ADAMTS17: variants seen among roughly 807,000 people sequenced by gnomAD.
The protein encoded by ADAMTS17 is ADAM metallopeptidase with thrombospondin type 1 motif 17.
A neutral mutation model predicts 141.5 loss-of-function variants in ADAMTS17; 113 were observed. That is an observed-to-expected ratio of 0.80 (90% CI 0.69 to 0.93). The LOEUF (loss-of-function observed/expected upper bound fraction) is 0.93. Ranked by LOEUF, ADAMTS17 falls within the 40% of genes least tolerant of loss-of-function variation. The pLI, the probability that ADAMTS17 is intolerant of heterozygous loss-of-function variation, is 0.00. For missense variants in ADAMTS17, 1,659 were observed against 1,517.9 expected, an observed-to-expected ratio of 1.09 and a Z score of -1.54; for synonymous variants, 768 against 630.6, an observed-to-expected ratio of 1.22 and a Z score of -3.27.
intron 10 of ADAMTS17, among the ~76,000 whole-genome samples, chr15:100,143,570 A>C (rs940827979): frequency 3.9e-5 from 6 of 152,246 alleles, no homozygotes; most frequent in Non-Finnish European, 7.3e-5. Context: ...TGTATTTGCC[A>C]ATAACTTTTG....
At chr15:100,239,883 G>A (rs368670841) in intron 7 of ADAMTS17, among the ~76,000 whole-genome samples, 2 of 152,210 alleles carry the variant, frequency 1.3e-5, no homozygotes, top group African/African-American at 4.8e-5. Flanking sequence ...TGTGCGCCAC[G>A]CCCCACCTTC....
chr15:100,219,890 A>G (rs542266537), intron 7 of ADAMTS17, among the ~76,000 whole-genome samples: 1 of 152,204 alleles, frequency 6.6e-6, no homozygotes, highest in Non-Finnish European at 1.5e-5. Flanking sequence ...TCCACTGAGC[A>G]TTCTTTATAA....
At chr15:100,079,337 A>G (rs1291721519) in intron 15 of ADAMTS17, among the ~76,000 whole-genome samples, 2 of 152,254 alleles carry the variant, frequency 1.3e-5, no homozygotes, top group South Asian at 2.1e-4. Context: ...ATACAATGTG[A>G]TATCTCCAAA....
At chr15:100,257,588 G>C (rs2043369778) in intron 6 of ADAMTS17, among the ~76,000 whole-genome samples, 1 of 152,208 alleles carries the variant, frequency 6.6e-6, no homozygotes, top group Non-Finnish European at 1.5e-5. Context: ...CCTTCATCCA[G>C]AGCCCAGCAG....
At chr15:100,056,697 C>T (rs764052151) in intron 15 of ADAMTS17, among the ~76,000 whole-genome samples, 2 of 152,048 alleles carry the variant, frequency 1.3e-5, no homozygotes, top group Non-Finnish European at 2.9e-5. Context: ...ACTGCTGGTC[C>T]GCAACCTGGG....
intron 18 of ADAMTS17, among the ~76,000 whole-genome samples, chr15:100,003,658 A>G (rs900332321): frequency 5.3e-5 from 8 of 152,162 alleles, no homozygotes; most frequent in Admixed American, 3.9e-4. Flanking sequence ...AAGGATGAAT[A>G]AAGTGTAGTA....
rs943576519 is a variant in ADAMTS17 at position 100,254,126 on chromosome 15, C to G, written c.1075+10G>C. Reference sequence around the variant, plus strand: ...AGCCCCTTAGATTATTATTTCAACTCTAAACTTACCAACAGTGTCACACGG... The same window carrying G: ...AGCCCCTTAGATTATTATTTCAACTGTAAACTTACCAACAGTGTCACACGG... On this transcript the variant is annotated intron_variant, in intron 7 of 21. Coordinates refer to ENST00000268070, the MANE Select transcript of ADAMTS17 (RefSeq NM_139057.4). The G allele has an allele frequency of 4.3e-6, 7 of 1,612,542 alleles. No individual in the cohort carries two copies. The Admixed American group carries it at 5.0e-5, about 12-fold the overall frequency.
chr15:100,210,974 A>C (rs1341626770), intron 7 of ADAMTS17, among the ~76,000 whole-genome samples: 1 of 151,958 alleles, frequency 6.6e-6, no homozygotes, highest in Non-Finnish European at 1.5e-5. Context: ...GGTGGCAGGC[A>C]CCTGTAGTCC....
intron 8 of ADAMTS17, among the ~76,000 whole-genome samples, chr15:100,172,538 C>T (rs1344164436): frequency 6.6e-6 from 1 of 152,166 alleles, no homozygotes; most frequent in Non-Finnish European, 1.5e-5. Context: ...CTGGTCACCT[C>T]CTCTGTCCTG....
At chr15:100,308,204 C>T (rs2045289601) in intron 3 of ADAMTS17, among the ~76,000 whole-genome samples, 1 of 152,096 alleles carries the variant, frequency 6.6e-6, no homozygotes, top group Non-Finnish European at 1.5e-5. Context: ...CTCACACACA[C>T]CCCACAAAAG....
chr15:100,200,361 A>G (rs1199096745), intron 7 of ADAMTS17, among the ~76,000 whole-genome samples: 1 of 151,948 alleles, frequency 6.6e-6, no homozygotes, highest in Non-Finnish European at 1.5e-5. Context: ...CCCTCTGGGG[A>G]ATGCTGGGAG....
chr15:100,137,484 G>T (rs577439782), intron 10 of ADAMTS17, among the ~76,000 whole-genome samples: 1 of 152,290 alleles, frequency 6.6e-6, no homozygotes, highest in Admixed American at 6.5e-5. Context: ...GGGGCTTGGA[G>T]GTGGAGATGC....
intron 20 of ADAMTS17, among the ~76,000 whole-genome samples, chr15:99,987,526 C>G (rs1056537361): frequency 1.3e-5 from 2 of 152,186 alleles, no homozygotes; most frequent in African/African-American, 2.4e-5. Context: ...CCCTGGGTGA[C>G]TGGTTTAAAA....
At chr15:100,179,506 T>G (rs941758589) in intron 8 of ADAMTS17, among the ~76,000 whole-genome samples, 3 of 152,234 alleles carry the variant, frequency 2.0e-5, no homozygotes, top group Non-Finnish European at 4.4e-5. Context: ...ACAATAAACA[T>G]GCGAGTGCAG....
chr15:100,175,866 C>G (rs2040321499), intron 8 of ADAMTS17, among the ~76,000 whole-genome samples: 1 of 152,002 alleles, frequency 6.6e-6, no homozygotes, highest in South Asian at 2.1e-4. Context: ...AGTCCCAAGG[C>G]AGATTCATCA....
intron 9 of ADAMTS17, among the ~76,000 whole-genome samples, chr15:100,153,180 C>T (rs1435689506): frequency 1.3e-5 from 2 of 152,170 alleles, no homozygotes; most frequent in Admixed American, 6.5e-5. Flanking sequence ...TAAATAAAAT[C>T]AAAGTGCTTA....
chr15:100,299,334 G>A (rs564802621), intron 3 of ADAMTS17, among the ~76,000 whole-genome samples: 22 of 151,582 alleles, frequency 1.5e-4, no homozygotes, highest in Admixed American at 6.6e-4. Flanking sequence ...CGGGGGACTC[G>A]CAGGCAGGAC....
chr15:100,330,374 G>C (rs955670039), intron 3 of ADAMTS17, among the ~76,000 whole-genome samples: 2 of 152,182 alleles, frequency 1.3e-5, no homozygotes, highest in African/African-American at 2.4e-5. Context: ...CTCCCCCAGG[G>C]TTTCTGATTC....
At chr15:100,164,003 G>A (rs1424252301) in intron 8 of ADAMTS17, among the ~76,000 whole-genome samples, 4 of 152,182 alleles carry the variant, frequency 2.6e-5, no homozygotes, top group Non-Finnish European at 5.9e-5. Flanking sequence ...CTCAAGTCAT[G>A]CAGAAGAGCA....
Sources: gnomAD v4.1 joint callset for allele counts (sites outside exome capture counted in the v4.1 genomes callset) on GRCh38, gnomAD v4.1.1 for gene constraint, MANE v1.5 for transcripts, NCBI Gene and HGNC (gene_info 2026-07-23, HGNC 2026-07-21) for gene names.